The following OPA1 variants were observed in gnomAD, a reference collection of about 807,000 sequenced individuals.
The protein encoded by OPA1 is OPA1 mitochondrial dynamin like GTPase.
OPA1 carries 59 observed loss-of-function variants against 152.9 expected under a neutral mutation model. The ratio of observed to expected loss-of-function variants is 0.39; its 90% CI spans 0.31 to 0.48. The LOEUF (loss-of-function observed/expected upper bound fraction) is 0.48, where lower values mean the gene tolerates loss of function less well. OPA1 is among the 20% of genes least tolerant of loss of function. The pLI is 0.96. For synonymous variants in OPA1, 400 were observed against 389.9 expected (o/e 1.03, Z -0.31); for missense variants, 1,008 against 1,216.8 (o/e 0.83, Z 2.55).
At chr3:193,641,614 C>T (rs1369761904) in intron 11 of OPA1, among the ~76,000 whole-genome samples, 1 of 152,172 alleles carries the variant, frequency 6.6e-6, no homozygotes, top group Non-Finnish European at 1.5e-5. Flanking sequence ...GGCCTTTGCC[C>T]TGTGCTACAA....
intron 29 of OPA1, among the ~76,000 whole-genome samples, chr3:193,685,783 A>G (rs1029850540): frequency 1.3e-5 from 2 of 152,248 alleles, no homozygotes; most frequent in African/African-American, 4.8e-5. Context: ...AAAAAAATTT[A>G]AAAGATGAAG....
chr3:193,644,250 C>T lies in OPA1; in HGVS notation c.1608+145C>T. 10 of 957,574 alleles carry T rather than the reference C, an allele frequency of 1.0e-5. No individual in the cohort carries two copies. The South Asian group carries it at 1.4e-4, about 13-fold the overall frequency. 59.3% of individuals were successfully genotyped at this position (957,574 alleles called of 1,614,324 possible). A position where few individuals can be genotyped will look rare whatever the true frequency, so the allele number is the denominator to read the frequency against. On this transcript the variant is annotated intron_variant, in intron 16 of 30. Coordinates refer to ENST00000361510, the MANE Select transcript of OPA1 (RefSeq NM_130837.3). ...TTACAATGAAAGGATAAAGCAAAAT[C>T]ACAAAAGGAAATGGTACATGGTATG...
intron 1 of OPA1, among the ~76,000 whole-genome samples, chr3:193,612,936 G>A (rs1389314567): frequency 6.6e-6 from 1 of 152,142 alleles, no homozygotes; most frequent in East Asian, 1.9e-4. Context: ...ACTCACCCAT[G>A]ACCTCCAGTT....
At chr3:193,605,684 T>G (rs1194901292) in intron 1 of OPA1, among the ~76,000 whole-genome samples, 1 of 152,166 alleles carries the variant, frequency 6.6e-6, no homozygotes, top group Non-Finnish European at 1.5e-5. Flanking sequence ...TTATTTCTGT[T>G]TCTGAGGAAA....
intron 26 of OPA1, among the ~76,000 whole-genome samples, chr3:193,664,117 A>G (rs1715956128): frequency 6.6e-6 from 1 of 152,054 alleles, no homozygotes; most frequent in African/African-American, 2.4e-5. Flanking sequence ...AGACCAAGAA[A>G]ACCTCAGGTT....
intron 29 of OPA1, among the ~76,000 whole-genome samples, chr3:193,683,663 A>T (rs775675598): frequency 2.0e-5 from 3 of 152,196 alleles, no homozygotes; most frequent in African/African-American, 7.2e-5. Context: ...GCAGCCATCA[A>T]CGTCAGGGCC....
chr3:193,638,147 AC>A (rs1487778818), intron 11 of OPA1, 82 bp downstream of exon 11: 2 of 967,518 alleles, frequency 2.1e-6, no homozygotes, highest in Non-Finnish European at 3.3e-6. Flanking sequence ...TGAAATGAGG[AC>A]TTTTAACCAA....
At chr3:193,679,985 A>C (rs555714708) in intron 29 of OPA1, among the ~76,000 whole-genome samples, 22 of 152,330 alleles carry the variant, frequency 1.4e-4, no homozygotes, top group African/African-American at 5.3e-4. Flanking sequence ...AAACTCGGTG[A>C]TAAACCGAGA....
Position 193,658,948 on chromosome 3 carries a change from C to T in OPA1, c.2393C>T (p.Ala798Val). Reference protein sequence around the residue: ...RSISDKQQWDAAIYFMEEALQ... With the variant: ...RSISDKQQWDVAIYFMEEALQ... ...ATATCTGATAAACAGCAATGGGATG[C>T]AGCTATTTATTTTATGGAAGAGGCT... The change falls in exon 24 of 31, where the codon GCA becomes GTA. Residue 798 changes from alanine (A) to valine (V), a missense_variant. This residue lies in a region of OPA1 where 229 missense variants were observed against 269.0 expected (regional missense o/e 0.85). Coordinates refer to ENST00000361510, the MANE Select transcript of OPA1 (RefSeq NM_130837.3). The T allele has an allele frequency of 6.2e-7, 1 of 1,613,796 alleles. No individual in the cohort carries two copies. The highest frequency in any genetic ancestry group is 8.5e-7 in the Non-Finnish European group (1 of 1,179,786).
intron 21 of OPA1, among the ~76,000 whole-genome samples, chr3:193,654,140 G>T (rs946990435): frequency 6.6e-6 from 1 of 152,082 alleles, no homozygotes; most frequent in African/African-American, 2.4e-5. Context: ...CAGCCTAAGG[G>T]TCTATCAACA....
At chr3:193,622,155 A>C (rs1234600417) in intron 6 of OPA1, among the ~76,000 whole-genome samples, 1 of 151,098 alleles carries the variant, frequency 6.6e-6, no homozygotes, top group Non-Finnish European at 1.5e-5. Flanking sequence ...GAAAAGTAGT[A>C]GTATTGTTTT....
chr3:193,609,931 CCGTTCGTCGAATTT>C (rs1199910211), intron 1 of OPA1, among the ~76,000 whole-genome samples: 2 of 120,964 alleles, frequency 1.7e-5, no homozygotes, highest in African/African-American at 6.0e-5. Flanking sequence ...TTCTAGTTAG[CCGTTCGTCGAATTT>C]TTTTCAAGGT....
chr3:193,678,577 A>AT (rs924607939), intron 29 of OPA1, among the ~76,000 whole-genome samples: 3 of 151,840 alleles, frequency 2.0e-5, no homozygotes, highest in African/African-American at 4.8e-5. Context: ...AGTGGGCTAG[A>AT]TTTTTTTTCA....
At chr3:193,631,719 T>G in intron 8 of OPA1, 54 bp downstream of exon 8, 6 of 1,428,260 alleles carry the variant, frequency 4.2e-6, no homozygotes, top group Non-Finnish European at 5.9e-6. Flanking sequence ...TATTCGAATG[T>G]AACTTTGGTG....
intron 3 of OPA1, among the ~76,000 whole-genome samples, chr3:193,616,837 A>G (rs1729091631): frequency 6.6e-6 from 1 of 152,252 alleles, no homozygotes. Context: ...TTATAAAGAT[A>G]AAACTGTTCT....
At chr3:193,599,770 T>C (rs1726180833) in intron 1 of OPA1, among the ~76,000 whole-genome samples, 1 of 152,196 alleles carries the variant, frequency 6.6e-6, no homozygotes, top group African/African-American at 2.4e-5. Context: ...TGGAGTTTAA[T>C]TGAGCAAAGA....
intron 29 of OPA1, among the ~76,000 whole-genome samples, chr3:193,685,323 T>G (rs1577395405): frequency 6.6e-6 from 1 of 152,254 alleles, no homozygotes; most frequent in East Asian, 1.9e-4. Context: ...AAGCTGAATT[T>G]ATCAACAAAT....
At position 193,622,864 on chromosome 3, in the gene OPA1, C is replaced by A. The variant is rs143562067; in HGVS notation, c.679-3228C>A. ...TAGAGGCTGATTAAAGTAAATAAAT[C>A]TGGTTGATGCCAACAAAATTTTGGT... On this transcript the variant is annotated intron_variant, in intron 6 of 30. Transcript: ENST00000361510. 1.4e-4 allele frequency among the ~76,000 whole-genome samples: 22 copies of A among 152,234 alleles called. No individual in the cohort carries two copies. The East Asian group carries it at 4.3e-3, about 29-fold the overall frequency.
At chr3:193,609,210 G>C (rs1394943577) in intron 1 of OPA1, among the ~76,000 whole-genome samples, 1 of 152,096 alleles carries the variant, frequency 6.6e-6, no homozygotes, top group Non-Finnish European at 1.5e-5. Context: ...TACATTTAAG[G>C]TTAATATTGT....
Sources: gnomAD v4.1 joint callset for allele counts (sites outside exome capture counted in the v4.1 genomes callset) on GRCh38, gnomAD v4.1.1 for gene constraint, gnomAD v4.1.1 regional missense constraint, MANE v1.5 for transcripts, NCBI Gene and HGNC (gene_info 2026-07-23, HGNC 2026-07-21) for gene names.